The following CEP128 variants were observed in gnomAD, a reference collection of about 807,000 sequenced individuals.
The protein encoded by CEP128 is centrosomal protein 128kDa.
Under a neutral mutation model 156.7 loss-of-function variants are expected in CEP128, and 132 were observed. The ratio of observed to expected loss-of-function variants is 0.84; its 90% confidence interval spans 0.73 to 0.97. The LOEUF (loss-of-function observed/expected upper bound fraction) is 0.97. Among genes scored for constraint, CEP128 ranks in the 50% least tolerant of loss-of-function variants. The pLI is 0.00. For synonymous variants in CEP128, 469 were observed against 448.9 expected, an observed-to-expected ratio of 1.04 and a Z score of -0.57; for missense variants, 1,252 against 1,281.9, an observed-to-expected ratio of 0.98 and a Z score of 0.36.
In CEP128 at chr14:80,872,618, C is replaced by T. The variant is rs527466219; in HGVS notation, c.646-9745G>A. Among the ~76,000 whole-genome samples, 13 of 152,262 alleles carry T rather than the reference C, an allele frequency of 8.5e-5. No homozygotes were observed. The South Asian group carries it at 1.7e-3, about 19-fold the overall frequency. ...CATTTATTTTCACTTTATGTATGTA[C>T]AATATTTAAGTTTGCCACAGTGAAG... On this transcript the variant is annotated intron_variant, in intron 8 of 24. Coordinates refer to ENST00000555265, the MANE Select transcript of CEP128 (RefSeq NM_152446.5).
chr14:80,853,185 G>C (rs1886980173), intron 9 of CEP128, among the ~76,000 whole-genome samples: 1 of 148,198 alleles, frequency 6.7e-6, no homozygotes, highest in Non-Finnish European at 1.5e-5. Flanking sequence ...TAAAAAGTAG[G>C]GGCAAACACC....
downstream of CEP128, among the ~76,000 whole-genome samples, chr14:80,485,530 T>C (rs911610382): frequency 6.6e-6 from 1 of 151,634 alleles, no homozygotes; most frequent in Non-Finnish European, 1.5e-5. Context: ...AATTATGAAG[T>C]ATATGCATAC....
intron 23 of CEP128, among the ~76,000 whole-genome samples, chr14:80,523,318 T>C (rs533565513): frequency 6.6e-6 from 1 of 152,350 alleles, no homozygotes; most frequent in Admixed American, 6.5e-5. Flanking sequence ...GCTTTGTCCT[T>C]ACAAACCTCT....
At chr14:80,677,329 G>A (rs1316523724) in intron 19 of CEP128, among the ~76,000 whole-genome samples, 2 of 151,944 alleles carry the variant, frequency 1.3e-5, no homozygotes, top group East Asian at 3.9e-4. Context: ...GGCCAACATG[G>A]TGAAATGCCG....
intron 19 of CEP128, among the ~76,000 whole-genome samples, chr14:80,670,807 GAAAT>G (rs960794825): frequency 4.0e-5 from 6 of 151,732 alleles, no homozygotes; most frequent in Non-Finnish European, 7.4e-5. Flanking sequence ...ATTTTAAAAA[GAAAT>G]AAAAATAAAT....
rs377391029 is a variant in CEP128, at chr14:80,606,284, AT to A, written c.2807-25862del. ...TTTTCCTTTCCTATTAGAGTTGACCATTAAGCAGCAACAAAGGTATTTTGCC... is the reference window on the plus strand; with the variant it reads ...TTTTCCTTTCCTATTAGAGTTGACCATAAGCAGCAACAAAGGTATTTTGCC... On this transcript the variant is annotated intron_variant, in intron 19 of 24. Coordinates refer to ENST00000555265, the MANE Select transcript of CEP128 (RefSeq NM_152446.5). 2.3e-3 allele frequency among the ~76,000 whole-genome samples: 348 copies of A among 152,282 alleles called. 1 individual carries two copies. The highest frequency in any genetic ancestry group is 8.1e-3 in the African/African-American group (335 of 41,594).
intron 2 of CEP128, among the ~76,000 whole-genome samples, chr14:80,927,878 A>G (rs1231565004): frequency 6.6e-6 from 1 of 152,214 alleles, no homozygotes. Context: ...ACCTCTGAGG[A>G]ATGAGATAAG....
chr14:80,922,500 A>C (rs1451384757), intron 2 of CEP128, among the ~76,000 whole-genome samples: 4 of 152,244 alleles, frequency 2.6e-5, no homozygotes, highest in Non-Finnish European at 4.4e-5. Context: ...ATTCTAAACT[A>C]CTAGAATGAA....
intron 19 of CEP128, among the ~76,000 whole-genome samples, chr14:80,707,295 A>AT (rs1156852104): frequency 6.6e-6 from 1 of 152,026 alleles, no homozygotes; most frequent in Non-Finnish European, 1.5e-5. Context: ...TGACAGTTAA[A>AT]TTTTCAGAGA....
chr14:80,662,217 G>A (rs1895430147), intron 19 of CEP128, among the ~76,000 whole-genome samples: 1 of 152,148 alleles, frequency 6.6e-6, no homozygotes, highest in South Asian at 2.1e-4. Context: ...AGTCTAATTA[G>A]TTTATGCCAT....
chr14:80,920,243 T>C lies in CEP128; in HGVS notation c.-15-3681A>G, dbSNP rs77911318. On this transcript the variant is annotated intron_variant, in intron 2 of 24. Transcript: ENST00000555265. ...AGCTATAGTGGCAGAAATCCATCCT[T>C]ACCAAGAATCTCCGATCTATCATCA... 2.6e-5 allele frequency among the ~76,000 whole-genome samples: 4 copies of C among 152,226 alleles called. No homozygotes were observed. The East Asian group carries it at 7.7e-4, about 29-fold the overall frequency.
At position 80,793,017 on chromosome 14, in the gene CEP128, C is replaced by T; in HGVS notation, c.1303G>A (p.Ala435Thr). The T allele has an allele frequency of 1.2e-6, 2 of 1,614,214 alleles. No homozygotes were observed. The highest frequency in any genetic ancestry group is 1.7e-6 in the Non-Finnish European group (2 of 1,180,040). The part of the protein sequence containing the change: ...EIQNHFDTCE[A>T]ERKHADLQIS... The stretch of plus-strand genomic sequence containing the variant: ...TGAAGGTCAGCATGCTTACGCTCGG[C>T]CTCACATGTGTCAAAGTGATTCTGG... Residue 435 changes from alanine (A) to threonine (T), a missense_variant, in exon 14 of 25, where the codon GCC becomes ACC. Ala to Thr is a moderately conservative substitution (Grantham distance 58). Transcript: ENST00000555265.
chr14:80,504,546 C>T (rs1251122329), intron 24 of CEP128, among the ~76,000 whole-genome samples: 2 of 152,120 alleles, frequency 1.3e-5, no homozygotes, highest in African/African-American at 4.8e-5. Flanking sequence ...ACATATTTCT[C>T]AACATTTATA....
rs145513539 is a variant in CEP128 at position 80,785,573 on chromosome 14, G to GA, written c.1561-29dup. On this transcript the variant is annotated intron_variant, in intron 14 of 24. Transcript: ENST00000555265. Reference sequence around the variant, plus strand: ...ATCAGGTTAAGAACATGAAGCAAAAGAAAAAAATAAAAGTTACTGTAAAAT... The same window carrying GA: ...ATCAGGTTAAGAACATGAAGCAAAAGAAAAAAAATAAAAGTTACTGTAAAAT... 26 of 1,511,178 alleles carry GA rather than the reference G, an allele frequency of 1.7e-5. No individual in the cohort carries two copies. In the East Asian group the frequency reaches 2.3e-4, roughly 13 times the overall value. 93.6% of individuals were successfully genotyped at this position (1,511,178 alleles called of 1,614,324 possible).
At chr14:80,892,657 G>A (rs1282758575) in intron 8 of CEP128, among the ~76,000 whole-genome samples, 2 of 151,796 alleles carry the variant, frequency 1.3e-5, no homozygotes, top group Non-Finnish European at 2.9e-5. Context: ...TATCTGATGA[G>A]GTTAATACCC....
At chr14:80,641,577 C>A (rs1028389691) in intron 19 of CEP128, among the ~76,000 whole-genome samples, 3 of 152,144 alleles carry the variant, frequency 2.0e-5, no homozygotes, top group Non-Finnish European at 4.4e-5. Context: ...AGAACAAATG[C>A]TTGTTGAATT....
intron 2 of CEP128, among the ~76,000 whole-genome samples, chr14:80,950,090 G>A (rs1886430972): frequency 1.3e-5 from 2 of 152,158 alleles, no homozygotes; most frequent in African/African-American, 2.4e-5. Context: ...GTCCTTGTAG[G>A]AAGAGGGAAA....
At chr14:80,635,579 A>G (rs141433550) in intron 19 of CEP128, among the ~76,000 whole-genome samples, 26 of 152,334 alleles carry the variant, frequency 1.7e-4, no homozygotes, top group African/African-American at 6.3e-4. Flanking sequence ...ACACAATAAC[A>G]ATGACTGACA....
intron 19 of CEP128, among the ~76,000 whole-genome samples, chr14:80,678,357 C>CA (rs1195159360): frequency 2.7e-5 from 4 of 150,262 alleles, no homozygotes; most frequent in African/African-American, 9.9e-5. Flanking sequence ...AAAATGTTCT[C>CA]ACTCCATTCC....
Sources: allele counts gnomAD v4.1 joint callset (sites outside exome capture counted in the v4.1 genomes callset), GRCh38; gene constraint gnomAD v4.1.1; transcripts MANE v1.5; gene names NCBI Gene and HGNC (gene_info 2026-07-23, HGNC 2026-07-21).